Variants in RGS13 observed in about 807,000 individuals in gnomAD.
RGS13 encodes regulator of G-protein signalling 13.
In RGS13, 14 loss-of-function variants were observed where a neutral mutation model predicts 19.9. The observed-to-expected ratio is 0.70, with a 90% CI of 0.46 to 1.10. The LOEUF is 1.10. RGS13 is among the 50% of genes least tolerant of loss of function. The probability of loss-of-function intolerance (pLI) is 0.00; values close to 1 mark genes in which losing one functional copy is unlikely to be tolerated. For synonymous variants in RGS13, 60 were observed against 56.8 expected (o/e 1.06, Z -0.25); for missense variants, 205 against 187.1 (o/e 1.10, Z -0.56).
intron 5 of RGS13, among the ~76,000 whole-genome samples, chr1:192,650,897 C>T (rs6691511): frequency 0.058 from 8,775 of 151,494 alleles, 439 homozygotes; most frequent in African/African-American, 0.12. Context: ...CCAAATAGAA[C>T]TAAAGTAGAG....
At chr1:192,653,330 T>C (rs1663377691) in intron 5 of RGS13, among the ~76,000 whole-genome samples, 2 of 152,080 alleles carry the variant, frequency 1.3e-5, no homozygotes, top group Admixed American at 1.3e-4. Context: ...TTCACCCCAT[T>C]AGATTGGAGA....
At chr1:192,642,996 A>C (rs754382050) in intron 3 of RGS13, among the ~76,000 whole-genome samples, 2 of 152,094 alleles carry the variant, frequency 1.3e-5, no homozygotes, top group Non-Finnish European at 2.9e-5. Flanking sequence ...AGTAGTTGGG[A>C]CTACAGGCAT....
chr1:192,645,185 G>C (rs560910661), intron 4 of RGS13: 1 of 152,338 alleles, frequency 6.6e-6, no homozygotes, highest in East Asian at 1.9e-4. Context: ...GCACTGCACA[G>C]GTGCATCCAA....
At chr1:192,650,855 T>C (rs1023754885) in intron 5 of RGS13, among the ~76,000 whole-genome samples, 1 of 151,988 alleles carries the variant, frequency 6.6e-6, no homozygotes, top group Non-Finnish European at 1.5e-5. Flanking sequence ...ATATCAAAGA[T>C]TTTCTTGTTA....
chr1:192,655,273 G>T (rs1289793551), intron 5 of RGS13, among the ~76,000 whole-genome samples: 1 of 152,118 alleles, frequency 6.6e-6, no homozygotes, highest in East Asian at 1.9e-4. Context: ...CATTCTGCAC[G>T]CTAGAATTAT....
chr1:192,659,507 C>T lies in RGS13; in HGVS notation c.464C>T (p.Ser155Phe). Residue 155 changes from serine (S) to phenylalanine (F), a missense_variant, in exon 7 of 7, where the codon TCC becomes TTC. By Grantham distance (155) the Ser-to-Phe change is radical. Coordinates refer to ENST00000391995, the MANE Select transcript of RGS13 (RefSeq NM_002927.5). The part of the protein sequence containing the change: ...MYQKLLKTMQ[S>F]NNSF ...CAAAAACTTTTGAAAACTATGCAGT[C>T]CAACAACAGTTTCTGACTACAACTC... is the stretch of plus-strand genomic sequence containing the variant. 6.2e-7 allele frequency: 1 copy of T among 1,608,802 alleles called. No individual in the cohort carries two copies. The highest frequency in any genetic ancestry group is 8.5e-7 in the Non-Finnish European group (1 of 1,177,952).
chr1:192,656,131 G>A (rs1663433414), intron 5 of RGS13, among the ~76,000 whole-genome samples: 1 of 151,956 alleles, frequency 6.6e-6, no homozygotes, highest in Non-Finnish European at 1.5e-5. Context: ...CAGAATACTA[G>A]CTTAGAATCT....
chr1:192,656,471 T>G (rs530248899), intron 5 of RGS13, among the ~76,000 whole-genome samples: 23 of 152,098 alleles, frequency 1.5e-4, no homozygotes, highest in Non-Finnish European at 2.6e-4. Context: ...TCTGTGCCTA[T>G]GGTGAGACAA....
chr1:192,647,738 T>C (rs1445219663), intron 4 of RGS13, 188 bp from the exon 5 acceptor site: 1 of 271,106 alleles, frequency 3.7e-6, no homozygotes, highest in Non-Finnish European at 6.8e-6. Context: ...ATTTTTATAA[T>C]TTAAAAAATT....
chr1:192,658,850 T>C (rs17644455), intron 6 of RGS13: 3,626 of 159,912 alleles, frequency 0.023, 56 homozygotes, highest in Non-Finnish European at 0.033. Flanking sequence ...AACTCTTGTC[T>C]GGAAAATACT....
At chr1:192,638,284 TC>T (rs1663048244) in intron 3 of RGS13, 81 bp downstream of exon 3, 1 of 152,084 alleles carries the variant, frequency 6.6e-6, no homozygotes, top group South Asian at 2.1e-4. Flanking sequence ...TCATTATTTT[TC>T]CCCTTGGTTA....
chr1:192,645,427 C>A (rs574098901), intron 4 of RGS13: 1 of 152,024 alleles, frequency 6.6e-6, no homozygotes, highest in East Asian at 1.9e-4. Context: ...TAACATTGTG[C>A]GATAGACGTT....
intron 5 of RGS13, among the ~76,000 whole-genome samples, chr1:192,649,489 A>G (rs566980549): frequency 2.7e-4 from 41 of 152,288 alleles, no homozygotes; most frequent in African/African-American, 9.1e-4. Flanking sequence ...TGCCTAATAT[A>G]GATTAAGCAC....
intron 3 of RGS13, among the ~76,000 whole-genome samples, 183 bp from the exon 4 acceptor site, chr1:192,644,148 T>A (rs561339400): frequency 6.6e-6 from 1 of 152,178 alleles, no homozygotes; most frequent in Non-Finnish European, 1.5e-5. Context: ...AAAATATTTA[T>A]GAGAGATGAG....
intron 3 of RGS13, among the ~76,000 whole-genome samples, chr1:192,639,727 G>A (rs1019186934): frequency 4.6e-5 from 7 of 152,156 alleles, no homozygotes; most frequent in East Asian, 3.9e-4. Context: ...ATTAATATGC[G>A]CAAGGTCACA....
chr1:192,650,826 AT>A (rs71931668), intron 5 of RGS13, among the ~76,000 whole-genome samples: 12,173 of 151,926 alleles, frequency 0.08, 976 homozygotes, highest in African/African-American at 0.2. Flanking sequence ...CATATGAAAG[AT>A]TTTTTTTATA....
intron 5 of RGS13, among the ~76,000 whole-genome samples, chr1:192,656,768 C>G (rs1212246048): frequency 9.2e-5 from 14 of 151,980 alleles, no homozygotes; most frequent in Non-Finnish European, 4.4e-5. Flanking sequence ...TCGGTTTCCC[C>G]AACTCCAATG....
intron 5 of RGS13, among the ~76,000 whole-genome samples, chr1:192,648,914 T>C (rs932743031): frequency 6.6e-6 from 1 of 152,118 alleles, no homozygotes; most frequent in Non-Finnish European, 1.5e-5. Flanking sequence ...AGGCACTACC[T>C]GCTCTTTCTG....
chr1:192,644,380 T>C lies in RGS13; in HGVS notation c.46T>C (p.Ser16Pro). The C allele has an allele frequency of 6.2e-7, 1 of 1,611,716 alleles. No individual in the cohort carries two copies. Among genetic ancestry groups the C allele is most frequent in the Non-Finnish European group, 8.5e-7 (1 of 1,178,402 alleles). Residue 16 changes from serine (S) to proline (P), a missense_variant, in exon 4 of 7, where the codon TCT becomes CCT. By Grantham distance (74) the Ser-to-Pro change is moderately conservative. Transcript: ENST00000391995. ...CWICKMCRDESKRPPSNLTLE... is the reference protein window; with the variant it reads ...CWICKMCRDEPKRPPSNLTLE... ...GATTTGTAAGATGTGCAGAGATGAA[T>C]CTAAGAGGCCCCCTTCAAAGTAAGT...
Sources: allele counts gnomAD v4.1 joint callset (sites outside exome capture counted in the v4.1 genomes callset), GRCh38; gene constraint gnomAD v4.1.1; transcripts MANE v1.5; gene names NCBI Gene and HGNC (gene_info 2026-07-23, HGNC 2026-07-21).